The following HECW1 variants were observed in gnomAD, a reference collection of about 807,000 sequenced individuals.
The protein encoded by HECW1 is HECT, C2 and WW domain containing E3 ubiquitin protein ligase 1, also known as E3 ubiquitin-protein ligase HECW1.
HECW1 carries 61 observed loss-of-function variants against 182.3 expected under a neutral mutation model. The ratio of observed to expected loss-of-function variants is 0.33; its 90% CI spans 0.27 to 0.41. The LOEUF is 0.41. HECW1 is among the 10% of genes least tolerant of loss of function. The pLI is 1.00. For missense variants in HECW1, 1,739 were observed against 2,108.9 expected, an observed-to-expected ratio of 0.82 and a Z score of 3.44; for synonymous variants, 859 against 832.6, an observed-to-expected ratio of 1.03 and a Z score of -0.55.
chr7:43,446,268 T>C (rs1323607475), intron 11 of HECW1, among the ~76,000 whole-genome samples: 1 of 152,172 alleles, frequency 6.6e-6, no homozygotes, highest in Non-Finnish European at 1.5e-5. Context: ...GCTGCCACCA[T>C]TAGTTTTAAA....
chr7:43,256,442 G>A (rs996413514), intron 3 of HECW1, among the ~76,000 whole-genome samples: 16 of 151,742 alleles, frequency 1.1e-4, no homozygotes, highest in African/African-American at 2.7e-4. Context: ...AAACCCTGTC[G>A]CTACTAAAAA....
chr7:43,351,196 C>T (rs1284189628), intron 5 of HECW1, among the ~76,000 whole-genome samples: 1 of 152,188 alleles, frequency 6.6e-6, no homozygotes, highest in East Asian at 1.9e-4. Context: ...GGGTTATCTG[C>T]ACAGAGTCCT....
intron 21 of HECW1, among the ~76,000 whole-genome samples, chr7:43,504,476 C>G (rs550652664): frequency 7.2e-4 from 110 of 152,282 alleles, no homozygotes; most frequent in African/African-American, 2.6e-3. Flanking sequence ...ATTTCAATAG[C>G]ACCCTTGCCA....
chr7:43,292,351 G>A (rs1057127412), intron 3 of HECW1, among the ~76,000 whole-genome samples: 6 of 152,194 alleles, frequency 3.9e-5, no homozygotes, highest in Non-Finnish European at 7.3e-5. Context: ...CAGCACTTGT[G>A]CAAAGGTCTG....
intron 2 of HECW1, among the ~76,000 whole-genome samples, chr7:43,126,338 A>G (rs1285147561): frequency 2.0e-5 from 3 of 152,134 alleles, no homozygotes; most frequent in Non-Finnish European, 4.4e-5. Flanking sequence ...AATATAACAC[A>G]TATATATCAT....
At chr7:43,152,343 GA>G (rs769025470) in intron 2 of HECW1, among the ~76,000 whole-genome samples, 5 of 152,154 alleles carry the variant, frequency 3.3e-5, no homozygotes, top group Non-Finnish European at 5.9e-5. Context: ...AATGTATTTT[GA>G]AACTATGTAT....
At position 43,379,715 on chromosome 7, in the gene HECW1, A is replaced by G. The variant is rs187131665; in HGVS notation, c.556-17099A>G. Reference sequence around the variant, plus strand: ...CTGCTTGGGACAGTTCCTCCAAATAAATAATTCACTCCCTCCCCCCATTTA... The same window carrying G: ...CTGCTTGGGACAGTTCCTCCAAATAGATAATTCACTCCCTCCCCCCATTTA... On this transcript the variant is annotated intron_variant, in intron 6 of 29. Coordinates refer to ENST00000395891, the MANE Select transcript of HECW1 (RefSeq NM_015052.5). Among the ~76,000 whole-genome samples the G allele has an allele frequency of 1.4e-4, 21 of 152,072 alleles. No individual in the cohort carries two copies. In the East Asian group the frequency reaches 4.1e-3, roughly 29 times the overall value.
chr7:43,560,196 C>A (rs545784048), intron 29 of HECW1, among the ~76,000 whole-genome samples: 4 of 152,276 alleles, frequency 2.6e-5, no homozygotes, highest in Admixed American at 2.6e-4. Flanking sequence ...TCATTGCAAT[C>A]TTTTTAACAT....
At chr7:43,115,960 C>T (rs887105200) in intron 2 of HECW1, among the ~76,000 whole-genome samples, 9 of 152,184 alleles carry the variant, frequency 5.9e-5, no homozygotes, top group African/African-American at 2.2e-4. Flanking sequence ...ATCTCTCCAG[C>T]ACCTAGCAGT....
chr7:43,429,468 G>A (rs117271644), intron 8 of HECW1, among the ~76,000 whole-genome samples: 1 of 151,716 alleles, frequency 6.6e-6, no homozygotes, highest in Non-Finnish European at 1.5e-5. Context: ...CAGACTCCAA[G>A]GGCACCACTT....
At position 43,564,735 on chromosome 7, in the gene HECW1, GC is replaced by G. The variant is rs1263359202; in HGVS notation, c.*2810del. ...AATTCATGTTTACCTTATTTATAAG[GC>G]TGATTTTTAAATTATATATAATTTT... On this transcript the variant is annotated 3_prime_UTR_variant, in exon 30 of 30. Coordinates refer to ENST00000395891, the MANE Select transcript of HECW1 (RefSeq NM_015052.5). The G allele has an allele frequency of 5.6e-6, 1 of 179,526 alleles. No individual in the cohort carries two copies. The highest frequency in any genetic ancestry group is 1.2e-5 in the Non-Finnish European group (1 of 83,820). 11.1% of individuals were successfully genotyped at this position (179,526 alleles called of 1,614,324 possible). A position where few individuals can be genotyped will look rare whatever the true frequency, so the allele number is the denominator to read the frequency against.
Position 43,139,080 on chromosome 7 carries a change from CT to C in HECW1, c.-32+24694del, listed in dbSNP as rs1481106622. On this transcript the variant is annotated intron_variant, in intron 2 of 29. Transcript: ENST00000395891. ...CCTTCGTGCCATTTTAATTGGTGTT[CT>C]TTTTGTTTCCATCTCCATTTTATTA... is the stretch of plus-strand genomic sequence containing the variant. 2.6e-5 allele frequency among the ~76,000 whole-genome samples: 4 copies of C among 152,008 alleles called. No homozygotes were observed. In the East Asian group the frequency reaches 7.7e-4, roughly 29 times the overall value.
chr7:43,542,272 A>G (rs1046245736), intron 26 of HECW1, among the ~76,000 whole-genome samples: 2 of 152,146 alleles, frequency 1.3e-5, no homozygotes, highest in Non-Finnish European at 2.9e-5. Context: ...GATACTTCAT[A>G]TAAGTGGAAT....
chr7:43,479,239 A>C (rs1348015918), intron 16 of HECW1, among the ~76,000 whole-genome samples: 3 of 152,186 alleles, frequency 2.0e-5, no homozygotes, highest in African/African-American at 7.2e-5. Context: ...ATCTGGGGGT[A>C]ACGAGAGACG....
At chr7:43,293,169 G>A (rs993536310) in intron 3 of HECW1, among the ~76,000 whole-genome samples, 2 of 143,302 alleles carry the variant, frequency 1.4e-5, no homozygotes, top group Non-Finnish European at 3.0e-5. Flanking sequence ...GCAGTAAGCC[G>A]AGATTGTGCC....
At chr7:43,124,512 T>G (rs577398246) in intron 2 of HECW1, among the ~76,000 whole-genome samples, 1 of 152,192 alleles carries the variant, frequency 6.6e-6, no homozygotes, top group Admixed American at 6.5e-5. Context: ...GTGAAACACG[T>G]TGTGAGCACA....
chr7:43,308,456 C>G (rs918924706), intron 3 of HECW1, among the ~76,000 whole-genome samples: 4 of 147,510 alleles, frequency 2.7e-5, no homozygotes, highest in Non-Finnish European at 5.9e-5. Flanking sequence ...CTCAATAAAG[C>G]TGGGAAATTA....
intron 11 of HECW1, among the ~76,000 whole-genome samples, chr7:43,450,245 C>G (rs1584945443): frequency 6.6e-6 from 1 of 152,114 alleles, no homozygotes; most frequent in African/African-American, 2.4e-5. Context: ...GGCTCCCCTC[C>G]CCAACCCCCC....
At chr7:43,128,439 C>G (rs1176259521) in intron 2 of HECW1, among the ~76,000 whole-genome samples, 1 of 152,184 alleles carries the variant, frequency 6.6e-6, no homozygotes, top group Non-Finnish European at 1.5e-5. Flanking sequence ...GCTTGAATGG[C>G]AGCACATCTG....
Sources: gnomAD v4.1 joint callset for allele counts (sites outside exome capture counted in the v4.1 genomes callset) on GRCh38, gnomAD v4.1.1 for gene constraint, MANE v1.5 for transcripts, NCBI Gene and HGNC (gene_info 2026-07-23, HGNC 2026-07-21) for gene names.